The following SPHKAP variants were observed in gnomAD, a reference collection of about 807,000 sequenced individuals.
The protein encoded by SPHKAP is A-kinase anchor protein SPHKAP.
In SPHKAP, 67 loss-of-function variants were observed where a neutral mutation model predicts 137.5. The ratio of observed to expected loss-of-function variants is 0.49; its 90% CI spans 0.40 to 0.60. SPHKAP has a LOEUF of 0.60. Ranked by LOEUF, SPHKAP falls within the 20% of genes least tolerant of loss-of-function variation. The probability of loss-of-function intolerance (pLI) is 0.00; values close to 1 mark genes in which losing one functional copy is unlikely to be tolerated. For synonymous variants in SPHKAP, 813 were observed against 785.3 expected, an observed-to-expected ratio of 1.04 and a Z score of -0.59; for missense variants, 2,097 against 2,069.3, an observed-to-expected ratio of 1.01 and a Z score of -0.26.
At chr2:228,139,326 G>C (rs1699523914) in intron 1 of SPHKAP, among the ~76,000 whole-genome samples, 1 of 152,050 alleles carries the variant, frequency 6.6e-6, no homozygotes, top group East Asian at 1.9e-4. Flanking sequence ...ACAGTAAAAT[G>C]TGAAATCTCT....
intron 3 of SPHKAP, among the ~76,000 whole-genome samples, chr2:228,089,225 C>T (rs2106324118): frequency 6.6e-6 from 1 of 152,342 alleles, no homozygotes; most frequent in East Asian, 1.9e-4. Context: ...GCAAAGGTCA[C>T]ACTTGTTATG....
chr2:227,994,925 G>C (rs1222611858), intron 8 of SPHKAP, among the ~76,000 whole-genome samples: 1 of 152,096 alleles, frequency 6.6e-6, no homozygotes, highest in African/African-American at 2.4e-5. Context: ...TGAGATTTTG[G>C]GCAGAAACAC....
chr2:228,171,636 A>C (rs1700587351), intron 1 of SPHKAP, among the ~76,000 whole-genome samples: 1 of 152,134 alleles, frequency 6.6e-6, no homozygotes. Context: ...GAGTGGAATG[A>C]GTATCAACTT....
At chr2:228,005,907 C>A (rs1293156403) in intron 7 of SPHKAP, among the ~76,000 whole-genome samples, 7 of 152,198 alleles carry the variant, frequency 4.6e-5, no homozygotes, top group Non-Finnish European at 8.8e-5. Flanking sequence ...GCCTAGAGAT[C>A]AGCTGTTAGT....
At chr2:228,035,904 T>C (rs1180353068) in intron 3 of SPHKAP, among the ~76,000 whole-genome samples, 1 of 151,812 alleles carries the variant, frequency 6.6e-6, no homozygotes, top group Admixed American at 6.6e-5. Flanking sequence ...AAGACTTACA[T>C]GTTAGACCTA....
intron 2 of SPHKAP, among the ~76,000 whole-genome samples, chr2:228,124,250 T>C (rs1699002161): frequency 6.6e-6 from 1 of 152,118 alleles, no homozygotes; most frequent in African/African-American, 2.4e-5. Flanking sequence ...ACCCAAAGGA[T>C]TATAAATCAT....
intron 11 of SPHKAP, 191 bp from the exon 12 acceptor site, chr2:227,982,051 A>ATTTTTTTTTTTTTTTTTTTTTTT (rs3082640): frequency 1.2e-6 from 1 of 860,744 alleles, no homozygotes. Flanking sequence ...CATCAAGTGA[A>ATTTTTTTTTTTTTTTTTTTTTTT]TTTTTTTTTT....
intron 2 of SPHKAP, among the ~76,000 whole-genome samples, chr2:228,129,888 C>T (rs1699197377): frequency 6.6e-6 from 1 of 151,452 alleles, no homozygotes; most frequent in African/African-American, 2.4e-5. Flanking sequence ...CCTCCACCTC[C>T]CAGGTTCAAG....
chr2:228,008,558 G>T (rs890630308), intron 7 of SPHKAP, among the ~76,000 whole-genome samples: 2 of 152,126 alleles, frequency 1.3e-5, no homozygotes, highest in Admixed American at 6.5e-5. Flanking sequence ...GCCTCCCAAA[G>T]TGCTGGGATT....
chr2:227,988,236 AAGCCACT>A (rs1693287827), intron 11 of SPHKAP, among the ~76,000 whole-genome samples: 1 of 152,224 alleles, frequency 6.6e-6, no homozygotes, highest in South Asian at 2.1e-4. Flanking sequence ...ATTCGTGGAA[AAGCCACT>A]ATGTGCAGAG....
intron 3 of SPHKAP, among the ~76,000 whole-genome samples, chr2:228,086,456 C>T (rs1697541955): frequency 6.6e-6 from 1 of 152,126 alleles, no homozygotes; most frequent in Admixed American, 6.6e-5. Flanking sequence ...ACTCACATTT[C>T]TCATCCCTTT....
At chr2:228,041,668 A>AAAAAG (rs1277936474) in intron 3 of SPHKAP, among the ~76,000 whole-genome samples, 1 of 151,714 alleles carries the variant, frequency 6.6e-6, no homozygotes, top group Non-Finnish European at 1.5e-5. Flanking sequence ...AAAAAAAAGA[A>AAAAAG]AAAAGAAAAC....
At chr2:228,090,253 T>G (rs1296942660) in intron 3 of SPHKAP, among the ~76,000 whole-genome samples, 1 of 152,254 alleles carries the variant, frequency 6.6e-6, no homozygotes, top group Admixed American at 6.5e-5. Flanking sequence ...TAAGACTTAA[T>G]GCCTGCCTTG....
intron 1 of SPHKAP, among the ~76,000 whole-genome samples, chr2:228,161,455 C>G (rs922329791): frequency 2.6e-5 from 4 of 152,150 alleles, no homozygotes; most frequent in African/African-American, 9.7e-5. Flanking sequence ...GCTCAGAGAA[C>G]AGAAAACCAA....
At chr2:228,138,262 C>T (rs535365560) in intron 1 of SPHKAP, among the ~76,000 whole-genome samples, 2 of 152,300 alleles carry the variant, frequency 1.3e-5, no homozygotes, top group Admixed American at 1.3e-4. Context: ...TTCACTAACC[C>T]CTTCACTCTG....
chr2:228,015,190 G>A (rs1052133930), intron 7 of SPHKAP, among the ~76,000 whole-genome samples: 1 of 150,974 alleles, frequency 6.6e-6, no homozygotes, highest in Non-Finnish European at 1.5e-5. Context: ...TTGTCCTTGC[G>A]ATAGTTTACT....
chr2:228,136,338 G>C (rs961143187), intron 1 of SPHKAP, among the ~76,000 whole-genome samples: 1 of 152,130 alleles, frequency 6.6e-6, no homozygotes, highest in African/African-American at 2.4e-5. Flanking sequence ...CATAAACATG[G>C]GAAAGAAGGC....
intron 2 of SPHKAP, among the ~76,000 whole-genome samples, chr2:228,124,417 G>A (rs890912969): frequency 3.3e-5 from 5 of 152,030 alleles, no homozygotes; most frequent in African/African-American, 1.2e-4. Flanking sequence ...AAAATGATGA[G>A]TTCATGTCCT....
intron 5 of SPHKAP, 138 bp from the exon 6 acceptor site, chr2:228,022,104 T>A: frequency 7.5e-7 from 1 of 1,331,442 alleles, no homozygotes; most frequent in Non-Finnish European, 9.6e-7. Flanking sequence ...CTTCTGGAAT[T>A]ATATTAATAA....
Sources: allele counts gnomAD v4.1 joint callset (sites outside exome capture counted in the v4.1 genomes callset), GRCh38; gene constraint gnomAD v4.1.1; transcripts MANE v1.5; gene names NCBI Gene and HGNC (gene_info 2026-07-23, HGNC 2026-07-21).